The following PCDHGA2 variants were observed in gnomAD, a reference collection of about 807,000 sequenced individuals.
The protein encoded by PCDHGA2 is protocadherin gamma subfamily A, 2.
PCDHGA2 carries 40 observed loss-of-function variants against 59.2 expected under a neutral mutation model. The ratio of observed to expected loss-of-function variants is 0.68; its 90% CI spans 0.52 to 0.88. The LOEUF (loss-of-function observed/expected upper bound fraction) is 0.88, where lower values mean the gene tolerates loss of function less well. PCDHGA2 is among the 40% of genes least tolerant of loss of function. The pLI is 0.00. For missense variants in PCDHGA2, 1,226 were observed against 1,204.0 expected (o/e 1.02, Z -0.27); for synonymous variants, 560 against 526.0 (o/e 1.06, Z -0.89).
At chr5:141,427,259 G>A (rs1365845158) in intron 1 of PCDHGA2, 1 of 456,756 alleles carries the variant, frequency 2.2e-6, no homozygotes, top group Non-Finnish European at 4.4e-6. Flanking sequence ...GTGGAGGCAT[G>A]ACCAGCGAAT....
At chr5:141,409,885 G>A in intron 1 of PCDHGA2, 1 of 1,613,110 alleles carries the variant, frequency 6.2e-7, no homozygotes. Flanking sequence ...ACGCACCGCG[G>A]GTGCTGTACC....
intron 1 of PCDHGA2, chr5:141,410,760 A>G: frequency 8.5e-7 from 1 of 1,177,482 alleles, no homozygotes; most frequent in Non-Finnish European, 1.2e-6. Flanking sequence ...ATGTTTTTTC[A>G]ATTATAGTTT....
chr5:141,509,645 G>C (rs138497208), intron 3 of PCDHGA2, among the ~76,000 whole-genome samples: 8 of 152,338 alleles, frequency 5.3e-5, no homozygotes, highest in African/African-American at 1.9e-4. Context: ...GCCAGGGCCA[G>C]AGTGTGGACT....
intron 1 of PCDHGA2, chr5:141,424,504 GT>G (rs892941709): frequency 6.6e-6 from 1 of 152,016 alleles, no homozygotes; most frequent in Non-Finnish European, 1.5e-5. Context: ...TGTATGGAAG[GT>G]TTTTTAATGT....
At chr5:141,497,855 C>T (rs1447484949) in intron 2 of PCDHGA2, among the ~76,000 whole-genome samples, 1 of 152,122 alleles carries the variant, frequency 6.6e-6, no homozygotes, top group Non-Finnish European at 1.5e-5. Flanking sequence ...ATTTTTGATT[C>T]AGCGGCTCCA....
intron 1 of PCDHGA2, among the ~76,000 whole-genome samples, chr5:141,363,355 A>G (rs1252929193): frequency 6.6e-6 from 1 of 152,170 alleles, no homozygotes; most frequent in Non-Finnish European, 1.5e-5. Context: ...TGAAATGTCC[A>G]TTTTTTTCAA....
At chr5:141,364,592 G>A in intron 1 of PCDHGA2, 1 of 1,614,210 alleles carries the variant, frequency 6.2e-7, no homozygotes, top group East Asian at 2.2e-5. Flanking sequence ...GGTCACCGCG[G>A]GCAGGATAGA....
At position 141,423,457 on chromosome 5, in the gene PCDHGA2, G is replaced by A. The variant is rs148481587; in HGVS notation, c.2425-71350G>A. 6.9e-5 allele frequency: 111 copies of A among 1,614,010 alleles called. 2 individuals carry two copies. The South Asian group carries it at 9.3e-4, about 14-fold the overall frequency. ...TATGCCCACGTCACATTTTGTAGGC[G>A]TGGACGGGGTACAGGCTTTCCTGCA... On this transcript the variant is annotated intron_variant, in intron 1 of 3. Coordinates refer to ENST00000394576, the MANE Select transcript of PCDHGA2 (RefSeq NM_018915.4).
At chr5:141,405,415 G>A in intron 1 of PCDHGA2, 4 of 1,559,568 alleles carry the variant, frequency 2.6e-6, no homozygotes, top group African/African-American at 1.4e-5. Flanking sequence ...TTCTTTTTTT[G>A]TTTTTTGTTT....
intron 1 of PCDHGA2, among the ~76,000 whole-genome samples, chr5:141,469,311 T>C (rs970450899): frequency 3.3e-5 from 5 of 152,040 alleles, no homozygotes; most frequent in Admixed American, 3.3e-4. Context: ...GCACGATGGC[T>C]CACGCCTGTA....
intron 1 of PCDHGA2, chr5:141,412,940 T>G: frequency 2.2e-6 from 1 of 463,218 alleles, no homozygotes; most frequent in Non-Finnish European, 3.8e-6. Context: ...CTTAGGACTC[T>G]GAGCGCCGCT....
intron 1 of PCDHGA2, chr5:141,413,303 T>G (rs772421197): frequency 6.8e-6 from 11 of 1,613,942 alleles, no homozygotes; most frequent in Middle Eastern, 3.3e-4. Flanking sequence ...CCTGAGGAAT[T>G]AGAGAAAGGC....
chr5:141,462,393 C>A (rs1465154354), intron 1 of PCDHGA2, among the ~76,000 whole-genome samples: 4 of 152,062 alleles, frequency 2.6e-5, no homozygotes, highest in African/African-American at 9.7e-5. Flanking sequence ...GTTAACATTT[C>A]TTTTATGGCA....
At chr5:141,382,922 G>A (rs760288273) in intron 1 of PCDHGA2, 35 of 1,561,514 alleles carry the variant, frequency 2.2e-5, no homozygotes, top group Non-Finnish European at 2.9e-5. Context: ...CCGAGGGGCG[G>A]GGACTACAGA....
intron 1 of PCDHGA2, chr5:141,400,601 C>T (rs1401354209): frequency 1.3e-6 from 2 of 1,592,588 alleles, no homozygotes; most frequent in East Asian, 4.5e-5. Flanking sequence ...CGTACATTTT[C>T]AAGTCCAATG....
intron 1 of PCDHGA2, among the ~76,000 whole-genome samples, chr5:141,436,477 G>A (rs748354852): frequency 1.3e-5 from 2 of 152,168 alleles, no homozygotes; most frequent in Non-Finnish European, 2.9e-5. Context: ...ATGTATCATA[G>A]AAGGATAGCA....
intron 1 of PCDHGA2, chr5:141,409,744 G>A (rs1255485257): frequency 6.2e-7 from 1 of 1,612,978 alleles, no homozygotes; most frequent in Non-Finnish European, 8.5e-7. Flanking sequence ...GCGGGGTGGT[G>A]TTCGCGCAGC....
chr5:141,386,921 A>G (rs2090747482), intron 1 of PCDHGA2, among the ~76,000 whole-genome samples: 1 of 152,228 alleles, frequency 6.6e-6, no homozygotes. Flanking sequence ...GGAATGTAAA[A>G]TAAGTGCAGA....
At chr5:141,393,435 C>T in intron 1 of PCDHGA2, 1 of 1,614,014 alleles carries the variant, frequency 6.2e-7, no homozygotes. Context: ...AGAGGCTGCT[C>T]ACCACCTGGT....
Sources: gnomAD v4.1 joint callset for allele counts (sites outside exome capture counted in the v4.1 genomes callset) on GRCh38, gnomAD v4.1.1 for gene constraint, MANE v1.5 for transcripts, NCBI Gene and HGNC (gene_info 2026-07-23, HGNC 2026-07-21) for gene names.